Variants in PPP1R13B observed in about 807,000 individuals in gnomAD.
PPP1R13B encodes protein phosphatase 1 regulatory subunit 13B.
A neutral mutation model predicts 119.8 loss-of-function variants in PPP1R13B; 44 were observed. That is an observed-to-expected ratio of 0.37 (90% CI 0.29 to 0.47). PPP1R13B has a LOEUF of 0.47. Ranked by LOEUF, PPP1R13B falls within the 20% of genes least tolerant of loss-of-function variation. PPP1R13B has a pLI of 0.99. For missense variants in PPP1R13B, 1,227 were observed against 1,413.5 expected, an observed-to-expected ratio of 0.87 and a Z score of 2.12; for synonymous variants, 542 against 561.5, an observed-to-expected ratio of 0.97 and a Z score of 0.49.
intron 3 of PPP1R13B, 110 bp from the exon 4 acceptor site, chr14:103,778,931 G>A: frequency 1.2e-6 from 1 of 845,192 alleles, no homozygotes; most frequent in Non-Finnish European, 1.9e-6. Flanking sequence ...TAAAATACCA[G>A]GCTGAGAAAT....
At chr14:103,769,256 T>C (rs1321232824) in intron 4 of PPP1R13B, among the ~76,000 whole-genome samples, 3 of 151,216 alleles carry the variant, frequency 2.0e-5, no homozygotes, top group African/African-American at 4.9e-5. Context: ...AGGCTAATAT[T>C]TGTATTTTTT....
chr14:103,814,016 T>G (rs2086220057), intron 1 of PPP1R13B, among the ~76,000 whole-genome samples: 1 of 152,214 alleles, frequency 6.6e-6, no homozygotes, highest in Non-Finnish European at 1.5e-5. Context: ...GTACTACTCT[T>G]CACTTTACAG....
At chr14:103,828,837 A>G (rs942357807) in intron 1 of PPP1R13B, among the ~76,000 whole-genome samples, 9 of 152,140 alleles carry the variant, frequency 5.9e-5, no homozygotes, top group African/African-American at 2.2e-4. Context: ...TGTGCCAAAA[A>G]CTTGACATTC....
At chr14:103,797,216 C>A (rs1372747015) in intron 2 of PPP1R13B, 155 bp downstream of exon 2, 8 of 606,196 alleles carry the variant, frequency 1.3e-5, no homozygotes, top group Admixed American at 6.9e-5. Flanking sequence ...GAACTACAAG[C>A]AATATTTTCC....
chr14:103,819,324 C>T (rs994598820), intron 1 of PPP1R13B, among the ~76,000 whole-genome samples: 2 of 151,788 alleles, frequency 1.3e-5, no homozygotes, highest in Admixed American at 6.6e-5. Flanking sequence ...CAGACTGAGG[C>T]GGGGAACAAG....
intron 1 of PPP1R13B, 113 bp downstream of exon 1, chr14:103,847,162 GCGCCCGCCCAGCCACTTCCTTCCC>G (rs1455443928): frequency 2.1e-5 from 21 of 990,332 alleles, no homozygotes; most frequent in Non-Finnish European, 2.4e-5. Flanking sequence ...GCGGCCGGGC[GCGCCCGCCCAGCCACTTCCTTCCC>G]CGCCCGCCCG....
In PPP1R13B at chr14:103,742,371, T is replaced by A; in HGVS notation, c.1321-80A>T. 2 of 1,472,210 alleles carry A rather than the reference T, an allele frequency of 1.4e-6. No homozygotes were observed. The highest frequency in any genetic ancestry group is 1.8e-6 in the Non-Finnish European group (2 of 1,108,306). The allele number at this position is 1,472,210 out of a possible 1,614,324, so 91.2% of individuals were successfully genotyped here. The stretch of plus-strand genomic sequence containing the variant: ...ATTTCCACCCACATTCCCAAGAGAA[T>A]ACACAGTAGAATTTGTAATCCGTCA... On this transcript the variant is annotated intron_variant, in intron 10 of 16. Coordinates refer to ENST00000202556, the MANE Select transcript of PPP1R13B (RefSeq NM_015316.3). This position sits in a 1 kb window ranked among gnomAD's most constrained non-coding sequence, Gnocchi z 4.9.
At chr14:103,753,240 C>T in intron 6 of PPP1R13B, 44 bp from the exon 7 acceptor site, 1 of 1,467,270 alleles carries the variant, frequency 6.8e-7, no homozygotes. Flanking sequence ...TTTAGTTGAT[C>T]CTTTTTTTTT....
At chr14:103,805,814 C>A (rs574060949) in intron 1 of PPP1R13B, among the ~76,000 whole-genome samples, 1 of 152,134 alleles carries the variant, frequency 6.6e-6, no homozygotes, top group South Asian at 2.1e-4. Context: ...ATATGAAATG[C>A]CCAAAACAGT....
intron 1 of PPP1R13B, among the ~76,000 whole-genome samples, chr14:103,828,134 AGGTG>A (rs924674719): frequency 3.9e-5 from 6 of 152,114 alleles, no homozygotes; most frequent in African/African-American, 1.4e-4. Flanking sequence ...TAGGAGGCCG[AGGTG>A]GGTGGATCAC....
intron 12 of PPP1R13B, 95 bp downstream of exon 12, chr14:103,739,729 G>A (rs1331776535): frequency 1.4e-6 from 2 of 1,394,676 alleles, no homozygotes; most frequent in Non-Finnish European, 1.9e-6. Context: ...GGTTCCCACT[G>A]CTCCCAGCAC....
chr14:103,805,418 A>G (rs1342402676), intron 1 of PPP1R13B, among the ~76,000 whole-genome samples: 1 of 152,012 alleles, frequency 6.6e-6, no homozygotes, highest in African/African-American at 2.4e-5. Flanking sequence ...AAAAAATTCA[A>G]AAAGTAGCTG....
chr14:103,735,177 G>C lies in PPP1R13B; in HGVS notation c.3250C>G (p.Pro1084Ala). ...GTTCAGGCGAGTGTTCGCTGTCGGG[G>C]TTTGATCCGTGGATACAGCTGGGAA... ...NLLGLYPRIK[P>A]RQRTLA is the part of the protein sequence containing the mutation. The change falls in exon 17 of 17, where the codon CCC becomes GCC. Residue 1084 changes from proline to alanine, a missense_variant. Physicochemically the swap from Pro to Ala is conservative, Grantham distance 27 (BLOSUM62 -1). Coordinates refer to ENST00000202556, the MANE Select transcript of PPP1R13B (RefSeq NM_015316.3). 1.2e-6 allele frequency: 2 copies of C among 1,614,136 alleles called. No individual in the cohort carries two copies. The highest frequency in any genetic ancestry group is 1.7e-6 in the Non-Finnish European group (2 of 1,180,022).
At chr14:103,847,599 C>G (rs1348204952), upstream of PPP1R13B, 5 of 986,464 alleles carry the variant, frequency 5.1e-6, no homozygotes, top group Non-Finnish European at 6.0e-6. Flanking sequence ...CCGGCTCGCT[C>G]TTCAGCCCCC....
chr14:103,739,473 A>C (rs2084197097), intron 12 of PPP1R13B, among the ~76,000 whole-genome samples: 2 of 152,196 alleles, frequency 1.3e-5, no homozygotes, highest in South Asian at 4.1e-4. Context: ...CTCCGTCAAC[A>C]CTGACCTCCC....
intron 1 of PPP1R13B, among the ~76,000 whole-genome samples, chr14:103,808,320 A>T (rs116802277): frequency 9.8e-4 from 149 of 152,150 alleles, no homozygotes; most frequent in African/African-American, 3.4e-3. Flanking sequence ...ACTCAAACCT[A>T]GAGAAACAAT....
intron 1 of PPP1R13B, among the ~76,000 whole-genome samples, chr14:103,836,961 G>A (rs2086793067): frequency 6.6e-6 from 1 of 152,122 alleles, no homozygotes; most frequent in Non-Finnish European, 1.5e-5. Flanking sequence ...TTGTGATGTT[G>A]ACTATTATTT....
intron 9 of PPP1R13B, among the ~76,000 whole-genome samples, chr14:103,745,670 CGCTGTTTGTAGGGGCAGCCCCTCCACTTG>C (rs1214370969): frequency 6.6e-6 from 1 of 152,206 alleles, no homozygotes; most frequent in Non-Finnish European, 1.5e-5. Flanking sequence ...GAGGACAGAG[CGCTGTTTGTAGGGGCAGCCCCTCCACTTG>C]GCTGGCTGTA....
intron 1 of PPP1R13B, among the ~76,000 whole-genome samples, chr14:103,831,250 A>G (rs1004798938): frequency 1.3e-5 from 2 of 151,508 alleles, no homozygotes; most frequent in Non-Finnish European, 2.9e-5. Context: ...GCCTCAAGTA[A>G]TATTTTTTAT....
Sources: allele counts gnomAD v4.1 joint callset (sites outside exome capture counted in the v4.1 genomes callset), GRCh38; gene constraint gnomAD v4.1.1; non-coding constraint Gnocchi (gnomAD v3.1); transcripts MANE v1.5; gene names NCBI Gene and HGNC (gene_info 2026-07-23, HGNC 2026-07-21).